MACROD2: variants seen among roughly 807,000 people sequenced by gnomAD.
MACROD2 encodes ADP-ribose glycohydrolase MACROD2.
A neutral mutation model predicts 70.4 loss-of-function variants in MACROD2; 36 were observed. That is an observed-to-expected ratio of 0.51 (90% CI 0.39 to 0.68). The LOEUF (loss-of-function observed/expected upper bound fraction) is 0.68, where lower values mean the gene tolerates loss of function less well. MACROD2 is among the 30% of genes least tolerant of loss of function. The pLI, the probability that MACROD2 is intolerant of heterozygous loss-of-function variation, is 0.00. For synonymous variants in MACROD2, 172 were observed against 178.8 expected, an observed-to-expected ratio of 0.96 and a Z score of 0.30; for missense variants, 496 against 538.4, an observed-to-expected ratio of 0.92 and a Z score of 0.78.
intron 4 of MACROD2, among the ~76,000 whole-genome samples, chr20:14,665,354 A>G (rs1248471793): frequency 1.3e-5 from 2 of 151,902 alleles, no homozygotes; most frequent in Non-Finnish European, 1.5e-5. Flanking sequence ...TAACTGCAGT[A>G]TGGGTGAAGA....
At chr20:15,838,819 C>T (rs1427654834) in intron 8 of MACROD2, among the ~76,000 whole-genome samples, 2 of 152,122 alleles carry the variant, frequency 1.3e-5, no homozygotes, top group African/African-American at 4.8e-5. Flanking sequence ...ACTAATGCAA[C>T]TGTAAGCTTG....
intron 2 of MACROD2, among the ~76,000 whole-genome samples, chr20:14,020,459 G>A (rs1189400630): frequency 5.9e-5 from 9 of 152,118 alleles, no homozygotes; most frequent in African/African-American, 2.2e-4. Flanking sequence ...GGCAACAAGA[G>A]TGAAACTCCA....
chr20:15,138,537 T>C (rs1428674921), intron 5 of MACROD2, among the ~76,000 whole-genome samples: 2 of 152,172 alleles, frequency 1.3e-5, no homozygotes, highest in East Asian at 3.9e-4. Flanking sequence ...AGAAGTCTTA[T>C]TTGCTCAGCT....
intron 3 of MACROD2, among the ~76,000 whole-genome samples, chr20:14,453,472 G>A (rs1028305884): frequency 6.6e-6 from 1 of 152,054 alleles, no homozygotes. Context: ...AGTTACTTAG[G>A]AATTCTGTTG....
At chr20:15,390,123 C>A (rs1357394670) in intron 6 of MACROD2, among the ~76,000 whole-genome samples, 1 of 152,158 alleles carries the variant, frequency 6.6e-6, no homozygotes, top group African/African-American at 2.4e-5. Context: ...CAAACTCCTT[C>A]AGGGTCTTAA....
chr20:15,975,389 A>G (rs1372371809), intron 13 of MACROD2, among the ~76,000 whole-genome samples: 1 of 152,154 alleles, frequency 6.6e-6, no homozygotes, highest in African/African-American at 2.4e-5. Context: ...TCAGAGATTT[A>G]TCCTAAACTA....
intron 3 of MACROD2, among the ~76,000 whole-genome samples, chr20:14,481,910 T>C (rs1260641689): frequency 6.6e-6 from 1 of 152,178 alleles, no homozygotes; most frequent in East Asian, 1.9e-4. Context: ...GCTTAGAAAA[T>C]TGTCTTCAGG....
At chr20:14,616,170 T>C (rs1455637482) in intron 4 of MACROD2, among the ~76,000 whole-genome samples, 1 of 152,178 alleles carries the variant, frequency 6.6e-6, no homozygotes, top group African/African-American at 2.4e-5. Flanking sequence ...CATTCTGTCA[T>C]GGCCATATAA....
intron 3 of MACROD2, among the ~76,000 whole-genome samples, chr20:14,357,093 T>G (rs1286115204): frequency 6.6e-6 from 1 of 152,172 alleles, no homozygotes; most frequent in East Asian, 1.9e-4. Context: ...CCATCCAGAT[T>G]TAAGAGGGAG....
chr20:14,277,542 A>ATAGC (rs374862762), intron 3 of MACROD2, among the ~76,000 whole-genome samples: 43 of 152,340 alleles, frequency 2.8e-4, no homozygotes, highest in African/African-American at 9.4e-4. Flanking sequence ...TAGTATTTGA[A>ATAGC]TAGCTTAAAT....
At chr20:14,170,474 T>C (rs562816848) in intron 3 of MACROD2, among the ~76,000 whole-genome samples, 13 of 152,152 alleles carry the variant, frequency 8.5e-5, no homozygotes, top group African/African-American at 3.1e-4. Flanking sequence ...TAATGTTGGC[T>C]GTGGGTTTGT....
At chr20:14,778,650 C>T (rs2072263035) in intron 5 of MACROD2, among the ~76,000 whole-genome samples, 2 of 152,048 alleles carry the variant, frequency 1.3e-5, no homozygotes, top group East Asian at 3.9e-4. Flanking sequence ...ACATCGGAGC[C>T]ATCAAATTAT....
chr20:14,954,765 TTA>T (rs2122742353), intron 5 of MACROD2, among the ~76,000 whole-genome samples: 1 of 24,956 alleles, frequency 4.0e-5, no homozygotes, highest in Non-Finnish European at 6.0e-5. Context: ...TAAATAAATT[TTA>T]TATAACATAA....
intron 8 of MACROD2, among the ~76,000 whole-genome samples, chr20:15,746,217 A>G (rs1187316891): frequency 2.6e-5 from 4 of 152,024 alleles, no homozygotes; most frequent in Non-Finnish European, 5.9e-5. Context: ...TTTTTTTTGT[A>G]AAAACCTTGC....
chr20:15,129,510 C>T (rs897843121), intron 5 of MACROD2, among the ~76,000 whole-genome samples: 1 of 152,006 alleles, frequency 6.6e-6, no homozygotes, highest in Non-Finnish European at 1.5e-5. Flanking sequence ...CTTTTCTATC[C>T]CTATTTTAAA....
At chr20:15,586,790 A>G (rs2048608384) in intron 8 of MACROD2, among the ~76,000 whole-genome samples, 1 of 152,220 alleles carries the variant, frequency 6.6e-6, no homozygotes. Context: ...AATTTTCTGT[A>G]CAAGCAATAA....
At chr20:14,728,135 AG>A (rs2071551808) in intron 5 of MACROD2, among the ~76,000 whole-genome samples, 1 of 152,140 alleles carries the variant, frequency 6.6e-6, no homozygotes, top group Non-Finnish European at 1.5e-5. Context: ...TCTGCATTTT[AG>A]TTTTAGTTTT....
In MACROD2 at chr20:15,321,276, C is replaced by G. The variant is rs2077871578; in HGVS notation, c.540+91215C>G. Among the ~76,000 whole-genome samples the G allele has an allele frequency of 1.4e-5, 2 of 144,012 alleles. 1 individual carries two copies. 94.5% of individuals were successfully genotyped at this position (144,012 alleles called of 152,430 possible). A position where few individuals can be genotyped will look rare whatever the true frequency, so the allele number is the denominator to read the frequency against. Reference sequence around the variant, plus strand: ...ATTTAGTTTCCCAATGTCTAACTTGCATTTACCCTTCTTTCACAGCTTGCT... The same window carrying G: ...ATTTAGTTTCCCAATGTCTAACTTGGATTTACCCTTCTTTCACAGCTTGCT... On this transcript the variant is annotated intron_variant, in intron 6 of 17. Transcript: ENST00000684519.
chr20:15,469,729 G>C (rs74352042), intron 7 of MACROD2, among the ~76,000 whole-genome samples: 6 of 152,254 alleles, frequency 3.9e-5, no homozygotes, highest in Admixed American at 1.3e-4. Flanking sequence ...GATGGAGAAC[G>C]CATCAGAAGG....
Sources: allele counts gnomAD v4.1 joint callset (sites outside exome capture counted in the v4.1 genomes callset), GRCh38; gene constraint gnomAD v4.1.1; transcripts MANE v1.5; gene names NCBI Gene and HGNC (gene_info 2026-07-23, HGNC 2026-07-21).